The following ACYP2 variants were observed in gnomAD, a reference collection of about 807,000 sequenced individuals.
The protein encoded by ACYP2 is acylphosphatase-2.
ACYP2 carries 12 observed loss-of-function variants against 11.2 expected under a neutral mutation model. That is an observed-to-expected ratio of 1.08 (90% confidence interval 0.69 to 1.74). ACYP2 has a LOEUF of 1.74. Ranked by LOEUF, ACYP2 falls within the 40% of genes most tolerant of loss-of-function variation. ACYP2 has a pLI of 0.00. For missense variants in ACYP2, 134 were observed against 101.9 expected (o/e 1.31, Z -1.35); for synonymous variants, 43 against 32.2 (o/e 1.33, Z -1.13).
At chr2:54,034,929 G>C (rs1674795597) in intron 2 of ACYP2, among the ~76,000 whole-genome samples, 1 of 148,024 alleles carries the variant, frequency 6.8e-6, no homozygotes, top group African/African-American at 2.5e-5. Flanking sequence ...AGAATCGCTT[G>C]AACCTGGGAG....
rs189180118 is a variant in ACYP2, at chr2:54,002,682, G to A, written c.62+28872G>A. Among the ~76,000 whole-genome samples, 90 of 138,020 alleles carry A rather than the reference G, an allele frequency of 6.5e-4. 4 individuals carry two copies. The highest frequency in any genetic ancestry group is 2.4e-3 in the African/African-American group (87 of 35,872). 90.5% of individuals were successfully genotyped at this position (138,020 alleles called of 152,430 possible). A position where few individuals can be genotyped will look rare whatever the true frequency, so the allele number is the denominator to read the frequency against. On this transcript the variant is annotated intron_variant, in intron 2 of 6. Transcript: ENST00000607452. ...TTTATTTTTTTTGAGACGGAGTTTCGCTCTTGCTGCCCAGGCTGGAGTGCA... is the reference window on the plus strand; with the variant it reads ...TTTATTTTTTTTGAGACGGAGTTTCACTCTTGCTGCCCAGGCTGGAGTGCA...
At chr2:54,185,552 C>A (rs537613556) in intron 6 of ACYP2, among the ~76,000 whole-genome samples, 37 of 152,008 alleles carry the variant, frequency 2.4e-4, no homozygotes, top group African/African-American at 8.2e-4. Context: ...TAAAAAGAAA[C>A]AACAAAAATT....
intron 2 of ACYP2, among the ~76,000 whole-genome samples, chr2:54,021,586 G>C (rs1674010392): frequency 6.6e-6 from 1 of 152,164 alleles, no homozygotes; most frequent in African/African-American, 2.4e-5. Context: ...ATTTTATTAT[G>C]AGGTTCTTAA....
At chr2:54,266,588 A>ATTTTTT (rs1558655792) in intron 6 of ACYP2, among the ~76,000 whole-genome samples, 5 of 91,124 alleles carry the variant, frequency 5.5e-5, no homozygotes, top group Admixed American at 1.3e-4. Flanking sequence ...ATATCTATCT[A>ATTTTTT]TCTTTTTTTT....
At chr2:54,063,780 C>T (rs1676591629) in intron 4 of ACYP2, among the ~76,000 whole-genome samples, 1 of 152,200 alleles carries the variant, frequency 6.6e-6, no homozygotes, top group African/African-American at 2.4e-5. Context: ...CTGGAACTCA[C>T]CCATGGGTGT....
At chr2:54,034,963 TCA>T in intron 2 of ACYP2, among the ~76,000 whole-genome samples, 1 of 132,408 alleles carries the variant, frequency 7.6e-6, no homozygotes, top group Non-Finnish European at 1.5e-5. Flanking sequence ...TGAGCTGAGA[TCA>T]TGCCACTGCA....
chr2:54,041,573 T>G (rs1211136360), intron 2 of ACYP2, among the ~76,000 whole-genome samples: 1 of 152,218 alleles, frequency 6.6e-6, no homozygotes, highest in Middle Eastern at 3.4e-3. Context: ...CTTAGTATGG[T>G]TTGGTTCTTC....
intron 6 of ACYP2, chr2:54,254,680 T>C (rs1230715508): frequency 1.9e-6 from 1 of 520,328 alleles, no homozygotes; most frequent in Non-Finnish European, 3.4e-6. Context: ...TAGAAGGATG[T>C]GACCCATCGG....
intron 2 of ACYP2, among the ~76,000 whole-genome samples, chr2:53,978,651 C>T (rs556697913): frequency 2.6e-5 from 4 of 152,110 alleles, no homozygotes; most frequent in Non-Finnish European, 4.4e-5. Flanking sequence ...TTTGAGAGAC[C>T]GAGGTGGGCA....
intron 6 of ACYP2, among the ~76,000 whole-genome samples, chr2:54,197,966 TGTA>T (rs1166784300): frequency 1.0e-5 from 1 of 98,134 alleles, no homozygotes; most frequent in East Asian, 2.3e-4. Flanking sequence ...TGTATTGTAT[TGTA>T]TTGTATTGTA....
intron 6 of ACYP2, among the ~76,000 whole-genome samples, chr2:54,203,962 G>C (rs1348098694): frequency 6.6e-6 from 1 of 150,740 alleles, no homozygotes; most frequent in East Asian, 1.9e-4. Context: ...TTCATAAACT[G>C]TCTTAAAACA....
Position 53,996,142 on chromosome 2 carries a change from C to CA in ACYP2, c.62+22343dup, listed in dbSNP as rs111903187. Among the ~76,000 whole-genome samples the CA allele has an allele frequency of 1.6e-3, 220 of 135,842 alleles. 2 individuals carry two copies. Among genetic ancestry groups the CA allele is most frequent in the Admixed American group, 2.5e-3 (34 of 13,498 alleles). 89.1% of individuals were successfully genotyped at this position (135,842 alleles called of 152,430 possible). Reference sequence around the variant, plus strand: ...AGAGCGAAACTCTGTCCCCACCACCCAAAAAAAAAAAGACTCACAATGTAC... The same window carrying CA: ...AGAGCGAAACTCTGTCCCCACCACCCAAAAAAAAAAAAGACTCACAATGTAC... On this transcript the variant is annotated intron_variant, in intron 2 of 6. Transcript: ENST00000607452.
chr2:54,089,896 A>C (rs1572725178), intron 4 of ACYP2, among the ~76,000 whole-genome samples: 1 of 152,142 alleles, frequency 6.6e-6, no homozygotes, highest in Non-Finnish European at 1.5e-5. Context: ...CTGTAATCCT[A>C]GCACTTTGGG....
intron 6 of ACYP2, among the ~76,000 whole-genome samples, chr2:54,157,906 CA>C (rs1422596756): frequency 6.6e-6 from 1 of 152,204 alleles, no homozygotes; most frequent in Non-Finnish European, 1.5e-5. Context: ...AGCCATGCAC[CA>C]GTGCAGGTAG....
chr2:54,291,035 T>C lies in ACYP2; in HGVS notation c.405-13653T>C, dbSNP rs115226032. Among the ~76,000 whole-genome samples, 166 of 152,296 alleles carry C rather than the reference T, an allele frequency of 1.1e-3. 1 individual carries two copies. Among genetic ancestry groups the C allele is most frequent in the African/African-American group, 3.9e-3 (163 of 41,556 alleles). ...GATGATCTATTCTTGCTGTCTTAGA[T>C]TCTTAACTTCCCCCTCACTCTAAAA... On this transcript the variant is annotated intron_variant, in intron 6 of 6. Coordinates refer to ENST00000607452, the MANE Select transcript of ACYP2 (RefSeq NM_001320586.2).
At chr2:54,192,979 C>T (rs1023241503) in intron 6 of ACYP2, among the ~76,000 whole-genome samples, 1 of 152,170 alleles carries the variant, frequency 6.6e-6, no homozygotes, top group Non-Finnish European at 1.5e-5. Context: ...TATTACAATT[C>T]AAGATGAGAT....
intron 6 of ACYP2, among the ~76,000 whole-genome samples, chr2:54,263,979 G>T (rs985322410): frequency 7.2e-5 from 11 of 152,188 alleles, no homozygotes; most frequent in Admixed American, 3.9e-4. Context: ...GGAGGTGATA[G>T]ATGTTTAGTG....
intron 2 of ACYP2, among the ~76,000 whole-genome samples, chr2:53,994,569 A>T (rs1672475960): frequency 6.6e-6 from 1 of 151,312 alleles, no homozygotes. Context: ...GCTGGGGTGG[A>T]CTATGAGAGG....
intron 6 of ACYP2, among the ~76,000 whole-genome samples, chr2:54,284,443 T>G (rs893087643): frequency 6.6e-6 from 1 of 152,182 alleles, no homozygotes; most frequent in African/African-American, 2.4e-5. Context: ...CATCTAGTAT[T>G]TCCTCTTGGT....
Sources: allele counts gnomAD v4.1 joint callset (sites outside exome capture counted in the v4.1 genomes callset), GRCh38; gene constraint gnomAD v4.1.1; transcripts MANE v1.5; gene names NCBI Gene and HGNC (gene_info 2026-07-23, HGNC 2026-07-21).